The following THSD7A variants were observed in gnomAD, a reference collection of about 807,000 sequenced individuals.
THSD7A encodes thrombospondin type-1 domain-containing protein 7A.
A neutral mutation model predicts 231.3 loss-of-function variants in THSD7A; 96 were observed. The ratio of observed to expected loss-of-function variants is 0.41; its 90% CI spans 0.35 to 0.49. The LOEUF (loss-of-function observed/expected upper bound fraction) is 0.49, where lower values mean the gene tolerates loss of function less well. THSD7A is among the 20% of genes least tolerant of loss of function. The pLI, the probability that THSD7A is intolerant of heterozygous loss-of-function variation, is 0.05. For synonymous variants in THSD7A, 940 were observed against 743.3 expected, an observed-to-expected ratio of 1.26 and a Z score of -4.30; for missense variants, 2,290 against 2,070.2, an observed-to-expected ratio of 1.11 and a Z score of -2.06.
At chr7:11,749,818 A>G (rs1461716786) in intron 1 of THSD7A, among the ~76,000 whole-genome samples, 3 of 151,984 alleles carry the variant, frequency 2.0e-5, no homozygotes, top group African/African-American at 4.8e-5. Flanking sequence ...TAGCCATTCA[A>G]CGGCGCTTCA....
chr7:11,412,478 A>G (rs1303264427), intron 18 of THSD7A, among the ~76,000 whole-genome samples, 178 bp downstream of exon 18: 2 of 151,686 alleles, frequency 1.3e-5, no homozygotes, highest in Non-Finnish European at 2.9e-5. Flanking sequence ...CTTAGTGTTT[A>G]CTAAAAAAAA....
intron 23 of THSD7A, among the ~76,000 whole-genome samples, chr7:11,389,679 T>C (rs984430707): frequency 6.6e-6 from 1 of 152,022 alleles, no homozygotes; most frequent in African/African-American, 2.4e-5. Context: ...GCTAGCTGGT[T>C]ATTGTGCCTG....
intron 1 of THSD7A, among the ~76,000 whole-genome samples, chr7:11,739,408 TTA>T (rs1312837232): frequency 6.6e-6 from 1 of 151,856 alleles, no homozygotes; most frequent in Non-Finnish European, 1.5e-5. Context: ...AGAAAACTAT[TTA>T]TGAGAGCATT....
At chr7:11,430,629 C>T (rs111615052) in intron 13 of THSD7A, among the ~76,000 whole-genome samples, 8 of 151,602 alleles carry the variant, frequency 5.3e-5, no homozygotes, top group Admixed American at 2.6e-4. Context: ...CCATGCCAGG[C>T]GAATTTTCAT....
chr7:11,606,593 A>C lies in THSD7A; in HGVS notation c.1023-13091T>G, dbSNP rs560952182. On this transcript the variant is annotated intron_variant, in intron 2 of 27. Transcript: ENST00000423059. ...CCTCTGTAGAATGTCTCTAATAAGC[A>C]CTTATAATATTCTTATTGAGTTACA... Among the ~76,000 whole-genome samples the C allele has an allele frequency of 4.6e-5, 7 of 152,274 alleles. No homozygotes were observed. In the East Asian group the frequency reaches 1.4e-3, roughly 29 times the overall value.
At chr7:11,542,399 C>T (rs543723274) in intron 5 of THSD7A, among the ~76,000 whole-genome samples, 87 of 152,304 alleles carry the variant, frequency 5.7e-4, no homozygotes, top group Non-Finnish European at 9.7e-4. Flanking sequence ...TAGCTCACCA[C>T]GTCTACCATA....
At chr7:11,562,133 G>A (rs1287806035) in intron 4 of THSD7A, among the ~76,000 whole-genome samples, 2 of 152,154 alleles carry the variant, frequency 1.3e-5, no homozygotes, top group East Asian at 3.9e-4. Flanking sequence ...ATCTGAAAAT[G>A]AATCCCCAGT....
chr7:11,532,727 G>A (rs2128319833), intron 6 of THSD7A, among the ~76,000 whole-genome samples: 1 of 152,238 alleles, frequency 6.6e-6, no homozygotes, highest in Non-Finnish European at 1.5e-5. Context: ...TGTTAAAAAT[G>A]TCCATTTAAT....
intron 6 of THSD7A, among the ~76,000 whole-genome samples, chr7:11,505,287 GT>G (rs745493696): frequency 6.6e-6 from 1 of 152,064 alleles, no homozygotes; most frequent in Non-Finnish European, 1.5e-5. Context: ...CTCTCAAAAT[GT>G]TTTACAAGGG....
chr7:11,830,551 C>A lies in THSD7A; in HGVS notation c.190+1206G>T, dbSNP rs148595700. ...AACTTAAGGTGTTAGCAAGAATAAT[C>A]TTGCTTTTTAAAATGTGTATATGTT... On this transcript the variant is annotated intron_variant, in intron 1 of 27. Transcript: ENST00000423059. Among the ~76,000 whole-genome samples the A allele has an allele frequency of 2.3e-3, 346 of 152,296 alleles. 3 individuals are homozygous for A. Among genetic ancestry groups the A allele is most frequent in the East Asian group, 0.011 (59 of 5,188 alleles).
rs971237401 is a variant in THSD7A, at chr7:11,679,273, C to G, written c.191-42312G>C. ...AATGAGCAAAAGCTAGAAGCATTCC[C>G]TTTGAAAACCAGCACAAGACAAGGA... On this transcript the variant is annotated intron_variant, in intron 1 of 27. Coordinates refer to ENST00000423059, the MANE Select transcript of THSD7A (RefSeq NM_015204.3). Among the ~76,000 whole-genome samples the G allele has an allele frequency of 4.9e-4, 75 of 152,170 alleles. 1 individual carries two copies. Among genetic ancestry groups the G allele is most frequent in the African/African-American group, 1.7e-3 (69 of 41,426 alleles).
chr7:11,717,230 T>C (rs1249375648), intron 1 of THSD7A, among the ~76,000 whole-genome samples: 1 of 151,568 alleles, frequency 6.6e-6, no homozygotes, highest in Non-Finnish European at 1.5e-5. Context: ...CAGAGGTGGG[T>C]GTGTGAAAGA....
intron 1 of THSD7A, among the ~76,000 whole-genome samples, chr7:11,779,681 T>C (rs1783560040): frequency 6.6e-6 from 1 of 152,210 alleles, no homozygotes; most frequent in Non-Finnish European, 1.5e-5. Flanking sequence ...TTCATAGGCC[T>C]AGTCCTCATC....
At chr7:11,670,393 T>G (rs1783335732) in intron 1 of THSD7A, among the ~76,000 whole-genome samples, 1 of 152,202 alleles carries the variant, frequency 6.6e-6, no homozygotes, top group Non-Finnish European at 1.5e-5. Flanking sequence ...GATCCAGGCA[T>G]TTGGCATCAC....
At chr7:11,447,198 T>C (rs1583758681) in intron 12 of THSD7A, 32 bp downstream of exon 12, 4 of 1,603,272 alleles carry the variant, frequency 2.5e-6, no homozygotes, top group Non-Finnish European at 3.4e-6. Context: ...TACTTTGACG[T>C]GTACTGGCTT....
rs997742752 is a variant in THSD7A, at chr7:11,370,681, T to C, written c.*5113A>G. The stretch of plus-strand genomic sequence containing the variant: ...ATTTACAAAGTAATATTAACAAAAA[T>C]TCTTAGACAGCTGCCTCCTTATTTA... On this transcript the variant is annotated 3_prime_UTR_variant, in exon 28 of 28. Coordinates refer to ENST00000423059, the MANE Select transcript of THSD7A (RefSeq NM_015204.3). The C allele has an allele frequency of 1.3e-5, 2 of 152,124 alleles. No individual in the cohort carries two copies. The highest frequency in any genetic ancestry group is 2.4e-5 in the African/African-American group (1 of 41,438). The allele number at this position is 152,124 out of a possible 1,614,324, so 9.4% of individuals were successfully genotyped here.
intron 1 of THSD7A, among the ~76,000 whole-genome samples, chr7:11,695,471 T>G (rs1780359975): frequency 6.6e-6 from 1 of 151,446 alleles, no homozygotes; most frequent in African/African-American, 2.4e-5. Flanking sequence ...AATATTGACT[T>G]CCATATAGTG....
intron 1 of THSD7A, among the ~76,000 whole-genome samples, chr7:11,785,307 A>G (rs1783755059): frequency 6.6e-6 from 1 of 152,038 alleles, no homozygotes. Flanking sequence ...CGCATTCATT[A>G]TACACTACAG....
intron 1 of THSD7A, among the ~76,000 whole-genome samples, chr7:11,786,685 A>T (rs1783802602): frequency 6.6e-6 from 1 of 151,154 alleles, no homozygotes; most frequent in Non-Finnish European, 1.5e-5. Flanking sequence ...GCAAACAAAA[A>T]CTACTGTAGT....
Sources: gnomAD v4.1 joint callset for allele counts (sites outside exome capture counted in the v4.1 genomes callset) on GRCh38, gnomAD v4.1.1 for gene constraint, MANE v1.5 for transcripts, NCBI Gene and HGNC (gene_info 2026-07-23, HGNC 2026-07-21) for gene names.